The following CDH18 variants were observed in gnomAD, a reference collection of about 807,000 sequenced individuals.
CDH18 encodes cadherin-18.
A neutral mutation model predicts 67.9 loss-of-function variants in CDH18; 31 were observed. The observed-to-expected ratio is 0.46, with a 90% confidence interval of 0.34 to 0.62. The LOEUF (loss-of-function observed/expected upper bound fraction) is 0.62, where lower values mean the gene tolerates loss of function less well. Among genes scored for constraint, CDH18 ranks in the 20% least tolerant of loss-of-function variants. CDH18 has a pLI of 0.01. For missense variants in CDH18, 890 were observed against 975.5 expected (o/e 0.91, Z 1.17); for synonymous variants, 362 against 347.2 (o/e 1.04, Z -0.48).
intron 1 of CDH18, among the ~76,000 whole-genome samples, chr5:20,573,556 AAAT>A (rs1758925090): frequency 6.6e-6 from 1 of 151,668 alleles, no homozygotes; most frequent in African/African-American, 2.4e-5. Context: ...TTATTTGCAT[AAAT>A]AAAATGGAAT....
In CDH18 at chr5:19,571,563, T is replaced by C; in HGVS notation, c.1253+16A>G. ...TAAAAATCTTTCTATGTCTAAACGA[T>C]TGAAGCATGCCATACCTTACTAAGC... On this transcript the variant is annotated intron_variant, in intron 8 of 12. Transcript: ENST00000382275. 6.2e-7 allele frequency: 1 copy of C among 1,606,808 alleles called. No homozygotes were observed. Among genetic ancestry groups the C allele is most frequent in the Non-Finnish European group, 8.5e-7 (1 of 1,174,670 alleles).
At chr5:20,022,724 C>T (rs780351968) in intron 2 of CDH18, among the ~76,000 whole-genome samples, 2 of 152,022 alleles carry the variant, frequency 1.3e-5, no homozygotes, top group Non-Finnish European at 2.9e-5. Context: ...AAGTTTTGTA[C>T]CATAGGTAAT....
chr5:19,699,632 G>GTC (rs70950084), intron 5 of CDH18, among the ~76,000 whole-genome samples: 15 of 133,436 alleles, frequency 1.1e-4, no homozygotes, highest in African/African-American at 2.7e-4. Context: ...GTGTGTGTGT[G>GTC]TGTGTGTGTC....
chr5:20,186,568 C>T (rs780594891), intron 2 of CDH18, among the ~76,000 whole-genome samples: 13 of 151,832 alleles, frequency 8.6e-5, no homozygotes, highest in African/African-American at 1.9e-4. Flanking sequence ...TTCAATGTCA[C>T]CAATCATTAG....
intron 1 of CDH18, among the ~76,000 whole-genome samples, chr5:20,561,648 T>C (rs1758224531): frequency 2.0e-5 from 3 of 152,170 alleles, no homozygotes; most frequent in Admixed American, 2.0e-4. Context: ...AGCTCAACTA[T>C]TCTGTATGAT....
intron 1 of CDH18, among the ~76,000 whole-genome samples, chr5:20,343,614 C>T (rs572161175): frequency 6.6e-6 from 1 of 152,040 alleles, no homozygotes; most frequent in Non-Finnish European, 1.5e-5. Context: ...CAATGGTCAC[C>T]CTGAATGACA....
chr5:20,290,208 C>T (rs911830680), intron 1 of CDH18, among the ~76,000 whole-genome samples: 1 of 152,104 alleles, frequency 6.6e-6, no homozygotes, highest in Non-Finnish European at 1.5e-5. Context: ...GAATCAGAAC[C>T]TCTTGGGGTG....
chr5:19,846,635 C>A, intron 2 of CDH18, among the ~76,000 whole-genome samples: 1 of 152,056 alleles, frequency 6.6e-6, no homozygotes, highest in East Asian at 1.9e-4. Context: ...ATGTGGGTTC[C>A]ACATGACCAA....
intron 1 of CDH18, among the ~76,000 whole-genome samples, chr5:20,452,462 A>G (rs950941000): frequency 6.6e-6 from 1 of 152,144 alleles, no homozygotes; most frequent in Non-Finnish European, 1.5e-5. Flanking sequence ...TTTCAGGAAC[A>G]TGATGGAGTT....
chr5:19,967,037 A>C (rs1258419798), intron 2 of CDH18, among the ~76,000 whole-genome samples: 1 of 151,988 alleles, frequency 6.6e-6, no homozygotes, highest in East Asian at 1.9e-4. Flanking sequence ...GACATAAAAA[A>C]GAAAATAATA....
intron 6 of CDH18, among the ~76,000 whole-genome samples, chr5:19,593,751 T>TTCTTCTTCTTCTTCTTCC (rs1444902278): frequency 3.4e-5 from 5 of 148,600 alleles, no homozygotes; most frequent in Non-Finnish European, 7.4e-5. Context: ...CTTCTTCTTC[T>TTCTTCTTCTTCTTCTTCC]TCTTCTTCTT....
chr5:19,647,777 C>T (rs1186524877), intron 5 of CDH18, among the ~76,000 whole-genome samples: 1 of 151,924 alleles, frequency 6.6e-6, no homozygotes, highest in African/African-American at 2.4e-5. Context: ...CTCTTTTATT[C>T]ATTATGCATA....
intron 1 of CDH18, among the ~76,000 whole-genome samples, chr5:20,498,497 T>G (rs2126424234): frequency 6.6e-6 from 1 of 152,210 alleles, no homozygotes; most frequent in African/African-American, 2.4e-5. Context: ...ACATTAAGAT[T>G]TTATCTTCAA....
intron 1 of CDH18, among the ~76,000 whole-genome samples, chr5:20,403,933 T>G (rs2150133108): frequency 6.6e-6 from 1 of 152,362 alleles, no homozygotes; most frequent in African/African-American, 2.4e-5. Flanking sequence ...ATTGATAATC[T>G]GTTGTTTTGT....
intron 5 of CDH18, among the ~76,000 whole-genome samples, chr5:19,656,387 G>C (rs1429598579): frequency 6.6e-6 from 1 of 151,848 alleles, no homozygotes; most frequent in African/African-American, 2.4e-5. Context: ...TTTTGTAGTA[G>C]ATAGAGATGG....
chr5:20,308,671 C>G (rs1325080862), intron 1 of CDH18, among the ~76,000 whole-genome samples: 2 of 152,006 alleles, frequency 1.3e-5, no homozygotes, highest in African/African-American at 4.8e-5. Flanking sequence ...TTAAGGTAAA[C>G]AAGCATTAGA....
intron 1 of CDH18, among the ~76,000 whole-genome samples, chr5:20,441,648 TAATTCCTTCCTCA>T (rs1334221451): frequency 6.6e-6 from 1 of 152,042 alleles, no homozygotes; most frequent in Non-Finnish European, 1.5e-5. Context: ...TAACTTTAGT[TAATTCCTTCCTCA>T]GTTGAGTTAT....
At chr5:20,095,242 A>G (rs1007451051) in intron 2 of CDH18, among the ~76,000 whole-genome samples, 3 of 150,656 alleles carry the variant, frequency 2.0e-5, no homozygotes, top group Admixed American at 6.7e-5. Context: ...ACCATGACAC[A>G]TGTATACCTA....
At chr5:20,152,098 T>G (rs1751159103) in intron 2 of CDH18, among the ~76,000 whole-genome samples, 1 of 146,540 alleles carries the variant, frequency 6.8e-6, no homozygotes, top group Admixed American at 6.9e-5. Context: ...TATAAATTAT[T>G]TTATATTTTA....
Sources: allele counts gnomAD v4.1 joint callset (sites outside exome capture counted in the v4.1 genomes callset), GRCh38; gene constraint gnomAD v4.1.1; transcripts MANE v1.5; gene names NCBI Gene and HGNC (gene_info 2026-07-23, HGNC 2026-07-21).